BRCA2: variants seen among roughly 807,000 people sequenced by gnomAD.
BRCA2 encodes the protein breast cancer type 2 susceptibility protein.
In BRCA2, 203 loss-of-function variants were observed where a neutral mutation model predicts 276.7. The ratio of observed to expected loss-of-function variants is 0.73; its 90% CI spans 0.65 to 0.82. The LOEUF is 0.82. Among genes scored for constraint, BRCA2 ranks in the 40% least tolerant of loss-of-function variants. The pLI is 0.00. For synonymous variants in BRCA2, 1,289 were observed against 1,338.4 expected (o/e 0.96, Z 0.81); for missense variants, 3,920 against 3,915.0 (o/e 1.00, Z -0.03).
At chr13:32,361,129 A>G (rs968274101) in intron 16 of BRCA2, among the ~76,000 whole-genome samples, 14 of 152,218 alleles carry the variant, frequency 9.2e-5, no homozygotes, top group African/African-American at 3.1e-4. Flanking sequence ...CGGCATATAG[A>G]TGGACTTGAA....
At position 32,340,836 on chromosome 13, in the gene BRCA2, G is replaced by C. The variant is rs1555284714; in HGVS notation, c.6481G>C (p.Asp2161His). Residue 2161 changes from aspartate (D) to histidine (H), a missense_variant, in exon 11 of 27, where the codon GAC becomes CAC. Coordinates refer to ENST00000380152, the MANE Select transcript of BRCA2 (RefSeq NM_000059.4). ...TCCATATCTCTCTCAATTTCAACAA[G>C]ACAAACAACAGTTGGTATTAGGAAC... ...VSPYLSQFQQ[D>H]KQQLVLGTKV... The C allele has an allele frequency of 6.3e-7, 1 of 1,592,518 alleles. No individual in the cohort carries two copies. Among genetic ancestry groups the C allele is most frequent in the Non-Finnish European group, 8.5e-7 (1 of 1,173,082 alleles).
chr13:32,316,310 A>G (rs1327350417), intron 1 of BRCA2, 112 bp from the exon 2 acceptor site: 1 of 730,068 alleles, frequency 1.4e-6, no homozygotes, highest in African/African-American at 1.8e-5. Flanking sequence ...GTTCCAGGAG[A>G]TGGGACTGAA....
chr13:32,398,443 AC>A lies in BRCA2; in HGVS notation c.9933del (p.Ile3312Ter). 6.2e-7 allele frequency: 1 copy of A among 1,614,194 alleles called. No individual in the cohort carries two copies. Among genetic ancestry groups the A allele is most frequent in the Non-Finnish European group, 8.5e-7 (1 of 1,180,046 alleles). ...PRSCGTKYET[P>X]IKKKELNSPQ... ...GGAGTTGTGGCACCAAATACGAAAC[AC>A]CCATAAAGAAAAAAGAACTGAATTC... On this transcript the variant is annotated frameshift_variant, in exon 27 of 27. Coordinates refer to ENST00000380152, the MANE Select transcript of BRCA2 (RefSeq NM_000059.4). LOFTEE classifies it low-confidence loss of function (END_TRUNC).
chr13:32,398,931 T>G lies in BRCA2; in HGVS notation c.*161T>G. ...TTTGTGTATCGGGCAAAAATCGTTT[T>G]GCCCGATTCCGTATTGGTATACTTT... is the stretch of plus-strand genomic sequence containing the variant. On this transcript the variant is annotated 3_prime_UTR_variant, in exon 27 of 27. Transcript: ENST00000380152. The G allele has an allele frequency of 1.1e-6, 1 of 878,448 alleles. No homozygotes were observed. The highest frequency in any genetic ancestry group is 1.9e-5 in the South Asian group (1 of 52,586). The allele number at this position is 878,448 out of a possible 1,614,324, so 54.4% of individuals were successfully genotyped here. A position where few individuals can be genotyped will look rare whatever the true frequency, so the allele number is the denominator to read the frequency against.
intron 13 of BRCA2, among the ~76,000 whole-genome samples, chr13:32,349,910 A>G (rs1015326078): frequency 6.6e-6 from 1 of 151,932 alleles, no homozygotes; most frequent in Non-Finnish European, 1.5e-5. Context: ...CTTATTCTCC[A>G]GAGAGGATAC....
chr13:32,317,293 G>A (rs2138700274), intron 2 of BRCA2, among the ~76,000 whole-genome samples: 1 of 148,984 alleles, frequency 6.7e-6, no homozygotes, highest in South Asian at 2.2e-4. Flanking sequence ...AACATTCTTA[G>A]GAAAAATAAC....
chr13:32,397,628 C>G (rs2073045375), intron 26 of BRCA2, among the ~76,000 whole-genome samples: 1 of 152,110 alleles, frequency 6.6e-6, no homozygotes, highest in South Asian at 2.1e-4. Context: ...TGACATTGCT[C>G]AAAGACCTGC....
At chr13:32,366,484 T>G (rs924364726) in intron 18 of BRCA2, among the ~76,000 whole-genome samples, 2 of 152,188 alleles carry the variant, frequency 1.3e-5, no homozygotes, top group African/African-American at 4.8e-5. Flanking sequence ...TCTGCATTTG[T>G]ATTGGAAATA....
rs864622476 is a variant in BRCA2 at position 32,336,951 on chromosome 13, G to A, written c.2596G>A (p.Glu866Lys). 6.3e-7 allele frequency: 1 copy of A among 1,586,548 alleles called. No individual in the cohort carries two copies. The highest frequency in any genetic ancestry group is 8.5e-7 in the Non-Finnish European group (1 of 1,173,104). ...NLRVIQKNQEETTSISKITVN... is the reference protein window; with the variant it reads ...NLRVIQKNQEKTTSISKITVN... ...AAGAGTAATCCAAAAAAATCAAGAA[G>A]AAACTACTTCAATTTCAAAAATAAC... Residue 866 changes from glutamate to lysine, a missense_variant, in exon 11 of 27, where the codon GAA (glutamate) becomes AAA (lysine). This residue lies in a region of BRCA2 where 3,263 missense variants were observed against 3,156.9 expected (regional missense o/e 1.03). Coordinates refer to ENST00000380152, the MANE Select transcript of BRCA2 (RefSeq NM_000059.4).
chr13:32,362,322 G>C (rs1354733949), intron 16 of BRCA2, among the ~76,000 whole-genome samples: 2 of 152,138 alleles, frequency 1.3e-5, no homozygotes, highest in African/African-American at 2.4e-5. Flanking sequence ...GAGCCACCAT[G>C]CTCAGCAATG....
intron 9 of BRCA2, 70 bp downstream of exon 9, chr13:32,331,100 G>A (rs2137462693): frequency 1.8e-6 from 2 of 1,098,886 alleles, no homozygotes; most frequent in Non-Finnish European, 1.4e-6. Context: ...TTTTTGAGGT[G>A]GAGTCTTGCT....
At chr13:32,397,567 C>A (rs2073044942) in intron 26 of BRCA2, among the ~76,000 whole-genome samples, 1 of 110,064 alleles carries the variant, frequency 9.1e-6, no homozygotes, top group African/African-American at 3.3e-5. Context: ...TATAACAAAA[C>A]CATTTTTTTT....
Position 32,337,016 on chromosome 13 carries a change from G to C in BRCA2, c.2661G>C (p.Glu887Asp), listed in dbSNP as rs876659892. 3.1e-6 allele frequency: 5 copies of C among 1,591,640 alleles called. No homozygotes were observed. Among genetic ancestry groups the C allele is most frequent in the Non-Finnish European group, 4.3e-6 (5 of 1,172,770 alleles). ...CTGAAGAACTTTTCTCAGACAATGA[G>C]AATAATTTTGTCTTCCAAGTAGCTA... ...PDSEELFSDN[E>D]NNFVFQVANE... The change falls in exon 11 of 27, where the codon GAG (glutamate) becomes GAC (aspartate). Residue 887 changes from glutamate (E) to aspartate (D), a missense_variant. Coordinates refer to ENST00000380152, the MANE Select transcript of BRCA2 (RefSeq NM_000059.4).
chr13:32,327,752 T>C lies in BRCA2; in HGVS notation c.631+1139T>C, dbSNP rs565212023. ...GATTTGGCTAATCATGACTTAGTATTTGAAAAGTTGTGACTATTTTTTTTT... is the reference window on the plus strand; with the variant it reads ...GATTTGGCTAATCATGACTTAGTATCTGAAAAGTTGTGACTATTTTTTTTT... On this transcript the variant is annotated intron_variant, in intron 7 of 26. Coordinates refer to ENST00000380152, the MANE Select transcript of BRCA2 (RefSeq NM_000059.4). 9.4e-5 allele frequency among the ~76,000 whole-genome samples: 14 copies of C among 148,488 alleles called. No individual in the cohort carries two copies. In the South Asian group the frequency reaches 3.0e-3, roughly 32 times the overall value.
Position 32,332,449 on chromosome 13 carries a change from G to C in BRCA2, c.971G>C (p.Arg324Thr), listed in dbSNP as rs397507435. 64 of 1,591,946 alleles carry C rather than the reference G, an allele frequency of 4.0e-5. No homozygotes were observed. The highest frequency in any genetic ancestry group is 5.3e-5 in the Non-Finnish European group (62 of 1,173,038). Residue 324 changes from arginine to threonine, a missense_variant, in exon 10 of 27, where the codon AGA becomes ACA. Around this residue, in one of 2 missense-constraint regions of BRCA2, gnomAD observed 3,263 missense variants for 3,156.9 expected, o/e 1.03. Coordinates refer to ENST00000380152, the MANE Select transcript of BRCA2 (RefSeq NM_000059.4). ...KCRTKNLQKV[R>T]TSKTRKKIFH... is the part of the protein sequence containing the mutation. ...AGAACAAAAAATCTACAAAAAGTAA[G>C]AACTAGCAAGACTAGGAAAAAAATT... is the stretch of plus-strand genomic sequence containing the variant.
intron 18 of BRCA2, among the ~76,000 whole-genome samples, chr13:32,366,729 G>A (rs1406242175): frequency 1.3e-5 from 2 of 151,998 alleles, no homozygotes; most frequent in Admixed American, 1.3e-4. Context: ...GGCTGAGGTG[G>A]GAGAATCACT....
At chr13:32,387,605 G>A (rs746031444) in intron 24 of BRCA2, among the ~76,000 whole-genome samples, 23 of 152,162 alleles carry the variant, frequency 1.5e-4, no homozygotes, top group Non-Finnish European at 3.4e-4. Context: ...AGGCCTGCCC[G>A]CAGTCATCCG....
rs2137670470 is a variant in BRCA2 at position 32,399,211 on chromosome 13, G to A, written c.*441G>A. 4.8e-6 allele frequency: 1 copy of A among 209,036 alleles called. No individual in the cohort carries two copies. The highest frequency in any genetic ancestry group is 9.7e-6 in the Non-Finnish European group (1 of 103,156). 12.9% of individuals were successfully genotyped at this position (209,036 alleles called of 1,614,324 possible). On this transcript the variant is annotated 3_prime_UTR_variant, in exon 27 of 27. Transcript: ENST00000380152. ...GATCACTACAAGTATTATTTTACAAGTGAAATAAACATACCATTTTCTTTT... is the reference window on the plus strand; with the variant it reads ...GATCACTACAAGTATTATTTTACAAATGAAATAAACATACCATTTTCTTTT...
At chr13:32,386,773 A>G (rs1411619686) in intron 24 of BRCA2, among the ~76,000 whole-genome samples, 1 of 152,182 alleles carries the variant, frequency 6.6e-6, no homozygotes, top group Non-Finnish European at 1.5e-5. Context: ...TACAGTATGT[A>G]TCCCTGGAAG....
Sources: gnomAD v4.1 joint callset for allele counts (sites outside exome capture counted in the v4.1 genomes callset) on GRCh38, gnomAD v4.1.1 for gene constraint, gnomAD v4.1.1 regional missense constraint, MANE v1.5 for transcripts, NCBI Gene and HGNC (gene_info 2026-07-23, HGNC 2026-07-21) for gene names.